Variants in FNDC3B observed in about 807,000 individuals in gnomAD.
FNDC3B encodes fibronectin type III domain-containing protein 3B.
In FNDC3B, 12 loss-of-function variants were observed where a neutral mutation model predicts 151.5. That is an observed-to-expected ratio of 0.08 (90% CI 0.05 to 0.13). The LOEUF (loss-of-function observed/expected upper bound fraction) is 0.13, where lower values mean the gene tolerates loss of function less well. Ranked by LOEUF, FNDC3B falls within the 10% of genes least tolerant of loss-of-function variation. The pLI is 1.00. For missense variants in FNDC3B, 1,214 were observed against 1,505.3 expected, an observed-to-expected ratio of 0.81 and a Z score of 3.20; for synonymous variants, 528 against 549.0, an observed-to-expected ratio of 0.96 and a Z score of 0.54.
chr3:172,205,333 A>G (rs893613573), intron 3 of FNDC3B, among the ~76,000 whole-genome samples: 3 of 152,206 alleles, frequency 2.0e-5, no homozygotes, highest in East Asian at 3.8e-4. Flanking sequence ...CATGGCTGCC[A>G]TTGATGTAAT....
chr3:172,097,916 T>TATA (rs1385616246), intron 1 of FNDC3B, among the ~76,000 whole-genome samples: 1 of 152,202 alleles, frequency 6.6e-6, no homozygotes, highest in East Asian at 1.9e-4. Flanking sequence ...TCTTTATTAT[T>TATA]ATACCCAAAT....
chr3:172,270,347 C>T (rs1729138045), intron 6 of FNDC3B, among the ~76,000 whole-genome samples: 1 of 152,206 alleles, frequency 6.6e-6, no homozygotes, highest in African/African-American at 2.4e-5. Context: ...ACTTAGCATA[C>T]AGTGCAAACT....
At chr3:172,158,594 C>T (rs1241808346) in intron 3 of FNDC3B, among the ~76,000 whole-genome samples, 1 of 151,938 alleles carries the variant, frequency 6.6e-6, no homozygotes, top group Admixed American at 6.6e-5. Flanking sequence ...CAAATACTTT[C>T]TTGTCTTTCC....
Position 172,260,285 on chromosome 3 carries a change from A to T in FNDC3B, c.790+8744A>T, listed in dbSNP as rs548324683. Among the ~76,000 whole-genome samples, 4 of 152,378 alleles carry T rather than the reference A, an allele frequency of 2.6e-5. No homozygotes were observed. The East Asian group carries it at 7.7e-4, about 29-fold the overall frequency. ...GAATTTAACTGGGTTAGAGATCGTC[A>T]TCACAAAAGTGCCATACTCAGAAGC... is the stretch of plus-strand genomic sequence containing the variant. On this transcript the variant is annotated intron_variant, in intron 6 of 25. Transcript: ENST00000415807.
intron 20 of FNDC3B, 91 bp from the exon 21 acceptor site, chr3:172,347,121 C>A: frequency 8.8e-7 from 1 of 1,133,722 alleles, no homozygotes; most frequent in Non-Finnish European, 1.3e-6. Context: ...GGGCATGTTG[C>A]TCTCTTTCCC....
intron 6 of FNDC3B, among the ~76,000 whole-genome samples, chr3:172,270,596 T>TCATCA (rs1435363162): frequency 6.6e-6 from 1 of 152,188 alleles, no homozygotes; most frequent in Non-Finnish European, 1.5e-5. Context: ...TTGGACTACT[T>TCATCA]CATCACATCA....
intron 7 of FNDC3B, among the ~76,000 whole-genome samples, chr3:172,288,245 A>G (rs1576876212): frequency 2.6e-5 from 4 of 152,254 alleles, no homozygotes; most frequent in South Asian, 4.1e-4. Flanking sequence ...ATCTGATTCC[A>G]TAAGTCTTAT....
At chr3:172,109,242 T>C (rs1719836759) in intron 1 of FNDC3B, among the ~76,000 whole-genome samples, 1 of 148,272 alleles carries the variant, frequency 6.7e-6, no homozygotes, top group Admixed American at 6.8e-5. Flanking sequence ...CTCGGCTCCC[T>C]GCAAGCTCCG....
intron 2 of FNDC3B, among the ~76,000 whole-genome samples, chr3:172,130,220 G>T (rs1721002755): frequency 6.6e-6 from 1 of 152,142 alleles, no homozygotes; most frequent in African/African-American, 2.4e-5. Flanking sequence ...TAGGTGGTCA[G>T]CCTCCCTCAG....
rs6777978 is a variant in FNDC3B at position 172,155,923 on chromosome 3, C to T, written c.187+22377C>T. Among the ~76,000 whole-genome samples, 1,191 of 152,180 alleles carry T rather than the reference C, an allele frequency of 7.8e-3. 15 individuals carry two copies. Among genetic ancestry groups the T allele is most frequent in the African/African-American group, 0.028 (1,143 of 41,496 alleles). On this transcript the variant is annotated intron_variant, in intron 3 of 25. Transcript: ENST00000415807. ...GGAGAAACAGCCTTATCTGTTAATC[C>T]GTTGCAGTGGCAGAAGAGCTGTATA...
intron 3 of FNDC3B, among the ~76,000 whole-genome samples, chr3:172,147,268 T>C (rs1252127020): frequency 1.3e-5 from 2 of 151,180 alleles, no homozygotes; most frequent in Non-Finnish European, 2.9e-5. Flanking sequence ...GATTGCAACA[T>C]TGTACTCGAG....
chr3:172,394,106 T>TCAAAAAAAAA (rs1736153949), intron 25 of FNDC3B, among the ~76,000 whole-genome samples: 1 of 16,644 alleles, frequency 6.0e-5, no homozygotes, highest in Non-Finnish European at 1.1e-4. Context: ...AGACTCCTTC[T>TCAAAAAAAAA]AAAAAAAAAA....
At chr3:172,332,689 C>T (rs961034687) in intron 13 of FNDC3B, among the ~76,000 whole-genome samples, 2 of 152,180 alleles carry the variant, frequency 1.3e-5, no homozygotes, top group African/African-American at 4.8e-5. Context: ...GTCCTTTCTC[C>T]CATGGCCAGA....
intron 11 of FNDC3B, chr3:172,316,426 A>G (rs1210233222): frequency 1.1e-5 from 5 of 456,168 alleles, no homozygotes; most frequent in South Asian, 7.7e-5. Flanking sequence ...AGGAAAAAAA[A>G]AACTAGGAAC....
chr3:172,297,594 C>T (rs568914749), intron 8 of FNDC3B, among the ~76,000 whole-genome samples: 5 of 152,286 alleles, frequency 3.3e-5, no homozygotes, highest in Admixed American at 3.3e-4. Flanking sequence ...CCTGCCTCAG[C>T]CTCCTGAGTA....
chr3:172,124,217 A>G (rs1720696450), intron 2 of FNDC3B, among the ~76,000 whole-genome samples: 1 of 152,070 alleles, frequency 6.6e-6, no homozygotes, highest in South Asian at 2.1e-4. Flanking sequence ...GAGCCTCCCA[A>G]GTAGCTGGGA....
chr3:172,387,234 G>A (rs1460199923), intron 25 of FNDC3B, among the ~76,000 whole-genome samples: 2 of 152,110 alleles, frequency 1.3e-5, no homozygotes, highest in Admixed American at 6.5e-5. Context: ...TGGATTACAG[G>A]CATGAGCCAC....
chr3:172,253,488 C>T (rs1249057072), intron 6 of FNDC3B, among the ~76,000 whole-genome samples: 2 of 152,192 alleles, frequency 1.3e-5, no homozygotes, highest in African/African-American at 4.8e-5. Flanking sequence ...CTTTTTCCTT[C>T]TTTCTCATCC....
At chr3:172,308,073 T>C (rs151178485) in intron 10 of FNDC3B, among the ~76,000 whole-genome samples, 41 of 152,302 alleles carry the variant, frequency 2.7e-4, no homozygotes, top group African/African-American at 9.9e-4. Flanking sequence ...CACATTTCAG[T>C]GGTGATACTG....
Sources: gnomAD v4.1 joint callset for allele counts (sites outside exome capture counted in the v4.1 genomes callset) on GRCh38, gnomAD v4.1.1 for gene constraint, MANE v1.5 for transcripts, NCBI Gene and HGNC (gene_info 2026-07-23, HGNC 2026-07-21) for gene names.